The following SPIN1 variants were observed in gnomAD, a reference collection of about 807,000 sequenced individuals.
The protein encoded by SPIN1 is spindlin-1.
In SPIN1, 3 loss-of-function variants were observed where a neutral mutation model predicts 26.0. The observed-to-expected ratio is 0.12, with a 90% CI of 0.05 to 0.30. The LOEUF (loss-of-function observed/expected upper bound fraction) is 0.30. SPIN1 is among the 10% of genes least tolerant of loss of function. The pLI is 1.00. For missense variants in SPIN1, 126 were observed against 333.4 expected (o/e 0.38, Z 4.84); for synonymous variants, 101 against 116.5 (o/e 0.87, Z 0.86).
rs1294572307 is a variant in SPIN1, at chr9:88,458,837, T to A, written c.102-3659T>A. ...CAAACAGCCAGTCTGGAGGCAGAAT[T>A]CCTTCCTCCTCCGAGGAGGCCAGTT... On this transcript the variant is annotated intron_variant, in intron 3 of 5. Coordinates refer to ENST00000375859, the MANE Select transcript of SPIN1 (RefSeq NM_006717.3). Among the ~76,000 whole-genome samples, 3 of 152,238 alleles carry A rather than the reference T, an allele frequency of 2.0e-5. No homozygotes were observed. The South Asian group carries it at 6.2e-4, about 32-fold the overall frequency.
intron 1 of SPIN1, among the ~76,000 whole-genome samples, chr9:88,403,814 A>C (rs909816222): frequency 6.6e-6 from 1 of 152,328 alleles, no homozygotes; most frequent in African/African-American, 2.4e-5. Flanking sequence ...ATGTTGCTGC[A>C]GTGTTTTCCT....
intron 1 of SPIN1, among the ~76,000 whole-genome samples, chr9:88,400,438 G>T (rs746114538): frequency 2.0e-5 from 3 of 152,162 alleles, no homozygotes; most frequent in Non-Finnish European, 4.4e-5. Flanking sequence ...AGATAGAAAG[G>T]ACTCTTAACA....
intron 1 of SPIN1, among the ~76,000 whole-genome samples, chr9:88,408,981 T>TTGTG (rs148808911): frequency 0.067 from 9,210 of 136,614 alleles, 1,017 homozygotes; most frequent in African/African-American, 0.23. Flanking sequence ...TTGTGTGTGT[T>TTGTG]TGTGTGTGTG....
chr9:88,451,700 A>T (rs1260353611), intron 3 of SPIN1, among the ~76,000 whole-genome samples: 1 of 152,200 alleles, frequency 6.6e-6, no homozygotes, highest in African/African-American at 2.4e-5. Context: ...AGCTGAGACC[A>T]CAGGCGTGCC....
chr9:88,395,203 C>A (rs73498086), intron 1 of SPIN1, among the ~76,000 whole-genome samples: 10,544 of 152,118 alleles, frequency 0.069, 1,164 homozygotes, highest in African/African-American at 0.23. Flanking sequence ...CACAGCTTCA[C>A]TTTAATTCTG....
intron 2 of SPIN1, among the ~76,000 whole-genome samples, chr9:88,444,114 TAA>T (rs1828194984): frequency 6.6e-6 from 1 of 152,162 alleles, no homozygotes; most frequent in African/African-American, 2.4e-5. Flanking sequence ...GTTGATTTTT[TAA>T]GTTTGTTTAG....
chr9:88,411,044 C>A (rs760609803), intron 1 of SPIN1: 26 of 1,584,926 alleles, frequency 1.6e-5, no homozygotes, highest in Non-Finnish European at 2.2e-5. Flanking sequence ...GCCACTGCCT[C>A]GGTCAGTCAT....
chr9:88,439,214 T>C (rs1308208197), intron 2 of SPIN1, among the ~76,000 whole-genome samples: 3 of 152,214 alleles, frequency 2.0e-5, no homozygotes, highest in African/African-American at 7.2e-5. Context: ...TTTTTCAGTG[T>C]ATTAATGGTA....
intron 5 of SPIN1, among the ~76,000 whole-genome samples, chr9:88,470,886 G>GC (rs1404817705): frequency 3.9e-5 from 6 of 152,188 alleles, no homozygotes; most frequent in African/African-American, 1.4e-4. Context: ...GAGCCACCAT[G>GC]CCCGGCCTAT....
intron 1 of SPIN1, among the ~76,000 whole-genome samples, chr9:88,420,834 C>G (rs1008933837): frequency 6.6e-6 from 1 of 152,166 alleles, no homozygotes; most frequent in African/African-American, 2.4e-5. Flanking sequence ...ATCCCATTAT[C>G]ACATTTCTTT....
At chr9:88,472,249 C>T (rs1383561051) in intron 5 of SPIN1, among the ~76,000 whole-genome samples, 2 of 152,084 alleles carry the variant, frequency 1.3e-5, no homozygotes, top group Non-Finnish European at 2.9e-5. Flanking sequence ...AGAGTATTGC[C>T]CTCTTAACAA....
chr9:88,465,791 A>C (rs371138882), intron 4 of SPIN1, among the ~76,000 whole-genome samples: 1 of 152,210 alleles, frequency 6.6e-6, no homozygotes, highest in Admixed American at 6.5e-5. Context: ...GTGGTTTCAT[A>C]TAAGTATATC....
chr9:88,455,832 C>G (rs1483536111), intron 3 of SPIN1, among the ~76,000 whole-genome samples: 1 of 151,652 alleles, frequency 6.6e-6, no homozygotes, highest in Non-Finnish European at 1.5e-5. Flanking sequence ...TAAACATTAG[C>G]TAGGCATGGT....
chr9:88,440,174 A>G (rs1051039471), intron 2 of SPIN1, among the ~76,000 whole-genome samples: 11 of 143,900 alleles, frequency 7.6e-5, no homozygotes, highest in African/African-American at 2.9e-4. Flanking sequence ...TTAATTTTTA[A>G]AAATAGAGAC....
chr9:88,416,119 T>C (rs1164770573), intron 1 of SPIN1, among the ~76,000 whole-genome samples: 1 of 152,084 alleles, frequency 6.6e-6, no homozygotes, highest in Admixed American at 6.6e-5. Flanking sequence ...TCTGAGTATT[T>C]TTTCTTTCCA....
intron 1 of SPIN1, chr9:88,410,988 C>T (rs914042269): frequency 6.2e-6 from 9 of 1,461,020 alleles, no homozygotes; most frequent in East Asian, 4.5e-5. Context: ...GTCTTATCCA[C>T]GGAGTTGTGG....
intron 2 of SPIN1, among the ~76,000 whole-genome samples, chr9:88,433,825 T>TA (rs1446299517): frequency 6.6e-6 from 1 of 152,002 alleles, no homozygotes; most frequent in East Asian, 1.9e-4. Context: ...GAAAGAAAGA[T>TA]ACGGTAAGTC....
chr9:88,444,407 A>AT (rs1164141557), intron 2 of SPIN1, among the ~76,000 whole-genome samples: 1 of 149,984 alleles, frequency 6.7e-6, no homozygotes, highest in Non-Finnish European at 1.5e-5. Context: ...TGCCCGGCTA[A>AT]TTTTTTTTGT....
At position 88,477,870 on chromosome 9, in the gene SPIN1, C is replaced by T. The variant is rs1228097197; in HGVS notation, c.*2593C>T. On this transcript the variant is annotated 3_prime_UTR_variant, in exon 6 of 6. Coordinates refer to ENST00000375859, the MANE Select transcript of SPIN1 (RefSeq NM_006717.3). ...GCGTGCGTGTGTGATGTCAGGCTGC[C>T]ACGTAAAACTTCAGAGAAAAATCTT... 1 of 152,158 alleles carries T rather than the reference C, an allele frequency of 6.6e-6. No individual in the cohort carries two copies. The highest frequency in any genetic ancestry group is 1.5e-5 in the Non-Finnish European group (1 of 68,038). 9.4% of individuals were successfully genotyped at this position (152,158 alleles called of 1,614,324 possible).
Sources: gnomAD v4.1 joint callset for allele counts (sites outside exome capture counted in the v4.1 genomes callset) on GRCh38, gnomAD v4.1.1 for gene constraint, MANE v1.5 for transcripts, NCBI Gene and HGNC (gene_info 2026-07-23, HGNC 2026-07-21) for gene names.